ME1: variants seen among roughly 807,000 people sequenced by gnomAD.
The protein encoded by ME1 is NADP-dependent malic enzyme.
In ME1, 74 loss-of-function variants were observed where a neutral mutation model predicts 66.4. The observed-to-expected ratio is 1.11, with a 90% CI of 0.92 to 1.35. The LOEUF is 1.35. ME1 is among the 40% of genes most tolerant of loss of function. The pLI is 0.00. For synonymous variants in ME1, 251 were observed against 235.6 expected (o/e 1.07, Z -0.60); for missense variants, 750 against 694.1 (o/e 1.08, Z -0.90).
At chr6:83,367,702 G>C (rs952435991) in intron 3 of ME1, among the ~76,000 whole-genome samples, 10 of 152,156 alleles carry the variant, frequency 6.6e-5, no homozygotes. Context: ...AGAGAGTTAG[G>C]GCTTGCTCTG....
intron 6 of ME1, among the ~76,000 whole-genome samples, chr6:83,311,055 C>T (rs1420469354): frequency 6.6e-6 from 1 of 152,158 alleles, no homozygotes; most frequent in African/African-American, 2.4e-5. Flanking sequence ...TGGCCTTCCC[C>T]TTCTTTCTTG....
intron 6 of ME1, among the ~76,000 whole-genome samples, chr6:83,263,668 AG>A (rs1210546789): frequency 1.3e-5 from 2 of 152,148 alleles, no homozygotes; most frequent in African/African-American, 4.8e-5. Context: ...ATAAAGGCTG[AG>A]AAAGGTAAAG....
At position 83,430,943 on chromosome 6, in the gene ME1, T is replaced by G. The variant is rs201380257; in HGVS notation, c.12A>C (p.Glu4Asp). Reference sequence around the variant, plus strand: ...GATGGGTGTGGCGGCGACGGGGGGCTTCGGGCTCCATGGCTGGCGCCGGGT... The same window carrying G: ...GATGGGTGTGGCGGCGACGGGGGGCGTCGGGCTCCATGGCTGGCGCCGGGT... Reference protein sequence around the residue: MEPEAPRRRHTHQR... With the variant: MEPDAPRRRHTHQR... The change falls in exon 1 of 14, where the codon GAA becomes GAC. Residue 4 changes from glutamate (E) to aspartate (D), a missense_variant. Physicochemically the swap from Glu to Asp is conservative, Grantham distance 45. Transcript: ENST00000369705. The G allele has an allele frequency of 7.2e-5, 114 of 1,582,722 alleles. 1 individual carries two copies. The East Asian group carries it at 2.7e-3, about 38-fold the overall frequency.
intron 6 of ME1, among the ~76,000 whole-genome samples, chr6:83,260,932 G>A (rs1240610640): frequency 6.6e-6 from 1 of 152,116 alleles, no homozygotes; most frequent in African/African-American, 2.4e-5. Flanking sequence ...ATGTGTGCAT[G>A]CATCTTTGTG....
At chr6:83,299,740 T>C (rs1767677903) in intron 6 of ME1, among the ~76,000 whole-genome samples, 1 of 152,190 alleles carries the variant, frequency 6.6e-6, no homozygotes, top group Non-Finnish European at 1.5e-5. Flanking sequence ...TGTGGGTCTG[T>C]CATAAATGGC....
intron 10 of ME1, among the ~76,000 whole-genome samples, chr6:83,228,446 T>A (rs1790239462): frequency 6.6e-6 from 1 of 152,160 alleles, no homozygotes; most frequent in Non-Finnish European, 1.5e-5. Flanking sequence ...CCCCTCCCTT[T>A]ACTCCCTTCC....
intron 7 of ME1, among the ~76,000 whole-genome samples, chr6:83,252,135 G>C (rs553242950): frequency 2.0e-5 from 3 of 152,184 alleles, no homozygotes; most frequent in Non-Finnish European, 4.4e-5. Flanking sequence ...TGAAGAGGGA[G>C]CTATCAGCAA....
chr6:83,345,020 C>G (rs1486691013), intron 5 of ME1, among the ~76,000 whole-genome samples: 1 of 151,614 alleles, frequency 6.6e-6, no homozygotes, highest in Non-Finnish European at 1.5e-5. Context: ...TTTTTTAGAG[C>G]AGGGTCTCAC....
intron 3 of ME1, among the ~76,000 whole-genome samples, chr6:83,358,764 A>G (rs1459928019): frequency 2.0e-5 from 3 of 152,156 alleles, no homozygotes; most frequent in Non-Finnish European, 4.4e-5. Flanking sequence ...TCCTGGACCC[A>G]TGATGCCATC....
intron 11 of ME1, among the ~76,000 whole-genome samples, chr6:83,224,336 C>A (rs1157363333): frequency 6.6e-6 from 1 of 151,978 alleles, no homozygotes; most frequent in South Asian, 2.1e-4. Flanking sequence ...GTTTAGGAAT[C>A]GACACATTTC....
At chr6:83,312,359 G>A (rs1324315490) in intron 6 of ME1, among the ~76,000 whole-genome samples, 1 of 152,188 alleles carries the variant, frequency 6.6e-6, no homozygotes, top group Non-Finnish European at 1.5e-5. Context: ...GACCCACCTG[G>A]TGGTGATTCC....
At chr6:83,317,574 T>C (rs960033668) in intron 5 of ME1, among the ~76,000 whole-genome samples, 7 of 151,726 alleles carry the variant, frequency 4.6e-5, no homozygotes, top group Non-Finnish European at 8.8e-5. Context: ...GCTGAGACAA[T>C]GGGGTTTTCT....
intron 1 of ME1, among the ~76,000 whole-genome samples, chr6:83,423,252 A>G (rs1307714104): frequency 6.6e-6 from 1 of 151,740 alleles, no homozygotes; most frequent in Non-Finnish European, 1.5e-5. Flanking sequence ...TTATATAACT[A>G]TTGAAAATAT....
At chr6:83,353,079 TTGTC>T (rs1446243938) in intron 3 of ME1, among the ~76,000 whole-genome samples, 1 of 152,244 alleles carries the variant, frequency 6.6e-6, no homozygotes, top group Admixed American at 6.5e-5. Flanking sequence ...ATTGTTTAAT[TTGTC>T]TGGTAGAGTT....
intron 7 of ME1, among the ~76,000 whole-genome samples, chr6:83,241,026 C>T (rs768445805): frequency 5.9e-5 from 9 of 152,044 alleles, no homozygotes; most frequent in Non-Finnish European, 1.0e-4. Flanking sequence ...CTATACATTA[C>T]TTAAGGTGAA....
At chr6:83,325,112 A>G (rs1355802146) in intron 5 of ME1, among the ~76,000 whole-genome samples, 4 of 152,204 alleles carry the variant, frequency 2.6e-5, no homozygotes, top group African/African-American at 9.7e-5. Flanking sequence ...AATAACAAAA[A>G]CCACATGATT....
At position 83,277,504 on chromosome 6, in the gene ME1, T is replaced by G. The variant is rs1583352962; in HGVS notation, c.705-23766A>C. The stretch of plus-strand genomic sequence containing the variant: ...GACGAGACTCAGGATTATGGCAGAA[T>G]AGTTAGAATACCATATTATTTAAGG... On this transcript the variant is annotated intron_variant, in intron 6 of 13. Coordinates refer to ENST00000369705, the MANE Select transcript of ME1 (RefSeq NM_002395.6). Among the ~76,000 whole-genome samples, 7 of 152,212 alleles carry G rather than the reference T, an allele frequency of 4.6e-5. No homozygotes were observed. In the South Asian group the frequency reaches 1.4e-3, roughly 32 times the overall value.
intron 5 of ME1, among the ~76,000 whole-genome samples, chr6:83,320,130 G>C (rs755831130): frequency 1.3e-5 from 2 of 152,170 alleles, no homozygotes; most frequent in Non-Finnish European, 2.9e-5. Context: ...GAAAGGTCCA[G>C]CTGTGCCAGG....
At chr6:83,350,255 T>C (rs1768773048) in intron 4 of ME1, among the ~76,000 whole-genome samples, 1 of 152,140 alleles carries the variant, frequency 6.6e-6, no homozygotes, top group South Asian at 2.1e-4. Flanking sequence ...AGGGCATAGT[T>C]AGGGATAAGA....
Sources: gnomAD v4.1 joint callset for allele counts (sites outside exome capture counted in the v4.1 genomes callset) on GRCh38, gnomAD v4.1.1 for gene constraint, MANE v1.5 for transcripts, NCBI Gene and HGNC (gene_info 2026-07-23, HGNC 2026-07-21) for gene names.